Variants in LINGO2 observed in about 807,000 individuals in gnomAD.
LINGO2 encodes leucine-rich repeat and immunoglobulin-like domain-containing nogo receptor-interacting protein 2.
LINGO2 carries 14 observed loss-of-function variants against 30.6 expected under a neutral mutation model. The observed-to-expected ratio is 0.46, with a 90% CI of 0.30 to 0.72. LINGO2 has a LOEUF of 0.72. LINGO2 is among the 30% of genes least tolerant of loss of function. The pLI, the probability that LINGO2 is intolerant of heterozygous loss-of-function variation, is 0.07. For missense variants in LINGO2, 729 were observed against 751.7 expected, an observed-to-expected ratio of 0.97 and a Z score of 0.35; for synonymous variants, 317 against 288.5, an observed-to-expected ratio of 1.10 and a Z score of -1.00.
chr9:28,848,010 C>A, the LINGO2 span, among the ~76,000 whole-genome samples: 2 of 52,912 alleles, frequency 3.8e-5, no homozygotes, highest in Non-Finnish European at 7.6e-5. Flanking sequence ...TATATACATA[C>A]ATATATACAC....
chr9:28,334,271 ACT>A (rs922817752), intron 3 of LINGO2, among the ~76,000 whole-genome samples: 2 of 152,106 alleles, frequency 1.3e-5, no homozygotes, highest in African/African-American at 4.8e-5. Context: ...GAGTGACGAA[ACT>A]CTATTTGTAA....
At chr9:28,736,304 C>G in the LINGO2 span, among the ~76,000 whole-genome samples, 2 of 152,136 alleles carry the variant, frequency 1.3e-5, 1 homozygote, top group Non-Finnish European at 2.9e-5. Context: ...AGTCTTTTGC[C>G]TGGGTCAGCC....
chr9:28,890,032 TA>T, the LINGO2 span, among the ~76,000 whole-genome samples: 1 of 152,106 alleles, frequency 6.6e-6, no homozygotes. Flanking sequence ...TCCCAGCTGG[TA>T]AAATTTCATG....
chr9:28,305,144 G>A (rs1318458785), intron 3 of LINGO2, among the ~76,000 whole-genome samples: 1 of 151,904 alleles, frequency 6.6e-6, no homozygotes, highest in Non-Finnish European at 1.5e-5. Context: ...CATCTCAATT[G>A]ACATACAAAA....
At chr9:28,463,464 T>A (rs549866811) in intron 2 of LINGO2, among the ~76,000 whole-genome samples, 19 of 152,146 alleles carry the variant, frequency 1.2e-4, no homozygotes, top group Non-Finnish European at 1.8e-4. Context: ...TGCCCATGGA[T>A]AGTCTGGATT....
At chr9:28,443,251 T>G (rs1234035376) in intron 2 of LINGO2, among the ~76,000 whole-genome samples, 3 of 152,262 alleles carry the variant, frequency 2.0e-5, no homozygotes, top group Non-Finnish European at 4.4e-5. Flanking sequence ...CTAACATTCC[T>G]TAATATCCTT....
At chr9:27,969,752 G>C (rs542110463) in intron 5 of LINGO2, among the ~76,000 whole-genome samples, 3 of 152,142 alleles carry the variant, frequency 2.0e-5, no homozygotes, top group Admixed American at 6.6e-5. Flanking sequence ...TGAGTGGTAG[G>C]TGGCATTATT....
the LINGO2 span, among the ~76,000 whole-genome samples, chr9:28,774,085 T>C: frequency 6.8e-6 from 1 of 146,532 alleles, no homozygotes; most frequent in Non-Finnish European, 1.5e-5. Context: ...CACACACACT[T>C]ACTTTAGCAT....
chr9:28,674,974 A>G (rs1285595718), upstream of LINGO2, among the ~76,000 whole-genome samples: 1 of 152,192 alleles, frequency 6.6e-6, no homozygotes, highest in African/African-American at 2.4e-5. Flanking sequence ...TACATCCAGT[A>G]GACCAAATAT....
intron 4 of LINGO2, among the ~76,000 whole-genome samples, chr9:28,215,853 C>A (rs991402823): frequency 1.3e-5 from 2 of 151,812 alleles, no homozygotes; most frequent in African/African-American, 4.8e-5. Context: ...AGACTTAAAT[C>A]AAACTGAAAG....
chr9:28,444,692 T>C (rs1824351254), intron 2 of LINGO2, among the ~76,000 whole-genome samples: 2 of 151,984 alleles, frequency 1.3e-5, no homozygotes, highest in African/African-American at 4.8e-5. Context: ...AAGTTTCTTG[T>C]GGTATGTCTG....
the LINGO2 span, among the ~76,000 whole-genome samples, chr9:29,053,877 C>T: frequency 6.6e-6 from 1 of 151,706 alleles, no homozygotes; most frequent in Non-Finnish European, 1.5e-5. Context: ...CAGTCTACAT[C>T]GAATTCTGGA....
intron 3 of LINGO2, among the ~76,000 whole-genome samples, chr9:28,335,940 A>C (rs902080442): frequency 6.6e-6 from 1 of 152,116 alleles, no homozygotes; most frequent in Non-Finnish European, 1.5e-5. Flanking sequence ...CTTTTCTGTT[A>C]GATCAATGCT....
chr9:28,596,495 G>A (rs1162046329), intron 1 of LINGO2, among the ~76,000 whole-genome samples: 1 of 152,068 alleles, frequency 6.6e-6, no homozygotes, highest in African/African-American at 2.4e-5. Flanking sequence ...TCAATTCTTA[G>A]TAGAGAATAT....
chr9:28,806,000 C>T, the LINGO2 span, among the ~76,000 whole-genome samples: 1 of 152,064 alleles, frequency 6.6e-6, no homozygotes, highest in Admixed American at 6.6e-5. Flanking sequence ...GTTTTGCCTA[C>T]AATGAAATAC....
the LINGO2 span, among the ~76,000 whole-genome samples, chr9:28,740,926 G>A: frequency 3.3e-5 from 5 of 152,116 alleles, no homozygotes; most frequent in Admixed American, 2.6e-4. Context: ...TGAATCCTGA[G>A]TCCACAGAGG....
At chr9:28,546,187 A>G (rs545403599) in intron 1 of LINGO2, among the ~76,000 whole-genome samples, 1 of 152,086 alleles carries the variant, frequency 6.6e-6, no homozygotes, top group African/African-American at 2.4e-5. Flanking sequence ...TTTTCTTTTA[A>G]TATAAATAGG....
chr9:29,090,144 A>G, the LINGO2 span, among the ~76,000 whole-genome samples: 1 of 152,066 alleles, frequency 6.6e-6, no homozygotes, highest in Non-Finnish European at 1.5e-5. Flanking sequence ...ATTGATATAT[A>G]GAGAGATTCT....
In LINGO2 at chr9:27,953,681, C is replaced by T. The variant is rs189882182; in HGVS notation, c.-35-2975G>A. ...ATATGAGGAAGGATGTGTTTGCTTC[C>T]CCCTTCAGTCATAAGTTTCCTGAGG... On this transcript the variant is annotated intron_variant, in intron 5 of 5. Transcript: ENST00000379992. Among the ~76,000 whole-genome samples, 74 of 152,138 alleles carry T rather than the reference C, an allele frequency of 4.9e-4. No homozygotes were observed. In the South Asian group the frequency reaches 0.013, roughly 27 times the overall value.
Sources: allele counts gnomAD v4.1 joint callset (sites outside exome capture counted in the v4.1 genomes callset), GRCh38; gene constraint gnomAD v4.1.1; transcripts MANE v1.5; gene names NCBI Gene and HGNC (gene_info 2026-07-23, HGNC 2026-07-21).